Variants in ESR1 observed in about 807,000 individuals in gnomAD.
The protein encoded by ESR1 is estrogen receptor 1.
In ESR1, 12 loss-of-function variants were observed where a neutral mutation model predicts 52.7. The ratio of observed to expected loss-of-function variants is 0.23; its 90% CI spans 0.15 to 0.37. The LOEUF is 0.37. ESR1 is among the 10% of genes least tolerant of loss of function. The probability of loss-of-function intolerance (pLI) is 1.00; values close to 1 mark genes in which losing one functional copy is unlikely to be tolerated. For synonymous variants in ESR1, 305 were observed against 316.8 expected (o/e 0.96, Z 0.39); for missense variants, 584 against 779.7 (o/e 0.75, Z 2.99).
At chr6:151,809,303 A>G (rs1037280279) in intron 1 of ESR1, 2 of 341,580 alleles carry the variant, frequency 5.9e-6, no homozygotes, top group South Asian at 4.5e-5. Flanking sequence ...TTTTTTCCCT[A>G]CAAGAATTGT....
rs1415226290 is a variant in ESR1 at position 152,102,227 on chromosome 6, G to A, written c.*3261G>A. ...ATAATTTACTTTTGATCACATTAAG[G>A]TGTTCTCACCTTGAAATCTTATACA... On this transcript the variant is annotated 3_prime_UTR_variant, in exon 8 of 8. Transcript: ENST00000206249. 9.7e-6 allele frequency: 2 copies of A among 207,128 alleles called. No individual in the cohort carries two copies. The highest frequency in any genetic ancestry group is 2.3e-5 in the African/African-American group (1 of 43,850). 12.8% of individuals were successfully genotyped at this position (207,128 alleles called of 1,614,324 possible).
At chr6:151,831,216 C>T (rs1484579789) in intron 1 of ESR1, among the ~76,000 whole-genome samples, 1 of 151,374 alleles carries the variant, frequency 6.6e-6, no homozygotes, top group Non-Finnish European at 1.5e-5. Context: ...AGTCACAGCT[C>T]ACTGCAGCCT....
chr6:151,791,727 A>G (rs1776173133), intron 2 of ESR1, among the ~76,000 whole-genome samples: 1 of 152,142 alleles, frequency 6.6e-6, no homozygotes, highest in Admixed American at 6.5e-5. Context: ...TCCAGTGAGC[A>G]CCTGTGTTTT....
chr6:151,990,887 A>G (rs2040943138), intron 4 of ESR1, among the ~76,000 whole-genome samples: 1 of 152,148 alleles, frequency 6.6e-6, no homozygotes, highest in Non-Finnish European at 1.5e-5. Context: ...GCTACATATT[A>G]TATATATGGG....
intron 6 of ESR1, among the ~76,000 whole-genome samples, chr6:152,088,132 G>T (rs1038767702): frequency 1.3e-5 from 2 of 152,078 alleles, no homozygotes; most frequent in African/African-American, 4.8e-5. Flanking sequence ...ATATAAAGGA[G>T]AAATTATATT....
rs770401972 is a variant in ESR1 at position 151,808,043 on chromosome 6, T to C, written c.131T>C (p.Leu44Pro). Residue 44 changes from leucine (L) to proline (P), a missense_variant, in exon 1 of 8, where the codon CTG becomes CCG. By Grantham distance (98) the Leu-to-Pro change is moderately conservative. This residue lies in a region of ESR1 where 251 missense variants were observed against 246.1 expected (regional missense o/e 1.02). Coordinates refer to ENST00000206249, the MANE Select transcript of ESR1 (RefSeq NM_000125.4). ...PLERPLGEVY[L>P]DSSKPAVYNY... ...GAGCGGCCCCTGGGCGAGGTGTACC[T>C]GGACAGCAGCAAGCCCGCCGTGTAC... 10 of 1,613,592 alleles carry C rather than the reference T, an allele frequency of 6.2e-6. No homozygotes were observed. The highest frequency in any genetic ancestry group is 3.3e-5 in the Admixed American group (2 of 59,982).
At chr6:151,668,371 T>A (rs1030835392) in intron 1 of ESR1, among the ~76,000 whole-genome samples, 7 of 152,078 alleles carry the variant, frequency 4.6e-5, no homozygotes, top group African/African-American at 1.2e-4. Flanking sequence ...CTCCGCCTCC[T>A]GGGTTCATGC....
chr6:151,925,360 AC>A (rs2032535461), intron 3 of ESR1, among the ~76,000 whole-genome samples: 1 of 152,208 alleles, frequency 6.6e-6, no homozygotes, highest in African/African-American at 2.4e-5. Flanking sequence ...TAATCCCAGC[AC>A]TTTGGGAAGC....
At chr6:151,879,886 G>C (rs1312739656) in intron 2 of ESR1, among the ~76,000 whole-genome samples, 1 of 152,110 alleles carries the variant, frequency 6.6e-6, no homozygotes, top group African/African-American at 2.4e-5. Context: ...TAGGTATTCT[G>C]TGCTGCATGT....
At chr6:151,664,305 C>A (rs1277244155) in intron 1 of ESR1, among the ~76,000 whole-genome samples, 1 of 152,154 alleles carries the variant, frequency 6.6e-6, no homozygotes, top group African/African-American at 2.4e-5. Context: ...ACAAGGATAC[C>A]ATTACCAGAG....
intron 4 of ESR1, among the ~76,000 whole-genome samples, chr6:151,954,406 A>G (rs2036671794): frequency 6.6e-6 from 1 of 152,232 alleles, no homozygotes; most frequent in African/African-American, 2.4e-5. Context: ...CTCACACAAT[A>G]GTAGGAAAAA....
chr6:151,988,023 C>A (rs954904284), intron 4 of ESR1, among the ~76,000 whole-genome samples: 3 of 152,078 alleles, frequency 2.0e-5, no homozygotes, highest in African/African-American at 7.2e-5. Context: ...CAGTCCCCAA[C>A]CCTTTTGGCA....
At chr6:151,821,156 T>C (rs577469241) in intron 1 of ESR1, among the ~76,000 whole-genome samples, 1 of 151,366 alleles carries the variant, frequency 6.6e-6, no homozygotes, top group Non-Finnish European at 1.5e-5. Context: ...GACCACTACC[T>C]CACACCTAAT....
intron 3 of ESR1, among the ~76,000 whole-genome samples, chr6:151,925,706 T>C (rs1242368107): frequency 6.6e-6 from 1 of 152,200 alleles, no homozygotes; most frequent in African/African-American, 2.4e-5. Context: ...TGATTACAAG[T>C]CTTTTATCAG....
intron 2 of ESR1, among the ~76,000 whole-genome samples, chr6:151,863,482 C>T (rs533928086): frequency 4.4e-4 from 67 of 152,236 alleles, no homozygotes; most frequent in Non-Finnish European, 8.5e-4. Context: ...ATGATTTTTG[C>T]ACATTGATTT....
At position 152,100,307 on chromosome 6, in the gene ESR1, A is replaced by G; in HGVS notation, c.*1341A>G. On this transcript the variant is annotated 3_prime_UTR_variant, in exon 8 of 8. Coordinates refer to ENST00000206249, the MANE Select transcript of ESR1 (RefSeq NM_000125.4). ...GAGAAGGGTGGGGACCGTTGCTGTC[A>G]CTACTCAGGCTGACTGGGGCCTGGT... is the stretch of plus-strand genomic sequence containing the variant. 1 of 388,088 alleles carries G rather than the reference A, an allele frequency of 2.6e-6. No individual in the cohort carries two copies. Among genetic ancestry groups the G allele is most frequent in the Non-Finnish European group, 4.6e-6 (1 of 219,768 alleles). The allele number at this position is 388,088 out of a possible 1,614,324, so 24.0% of individuals were successfully genotyped here. A position where few individuals can be genotyped will look rare whatever the true frequency, so the allele number is the denominator to read the frequency against.
At chr6:152,040,812 G>A (rs1342596641) in intron 5 of ESR1, among the ~76,000 whole-genome samples, 1 of 152,212 alleles carries the variant, frequency 6.6e-6, no homozygotes, top group African/African-American at 2.4e-5. Context: ...CTCCCCATGA[G>A]GCCATCAGTG....
intron 5 of ESR1, among the ~76,000 whole-genome samples, chr6:152,015,719 A>G (rs1382011749): frequency 6.6e-6 from 1 of 152,168 alleles, no homozygotes; most frequent in Non-Finnish European, 1.5e-5. Flanking sequence ...TTATTCTTTT[A>G]AAAACATTGC....
At chr6:151,825,630 G>A (rs1327570090) in intron 1 of ESR1, among the ~76,000 whole-genome samples, 1 of 152,076 alleles carries the variant, frequency 6.6e-6, no homozygotes, top group Admixed American at 6.6e-5. Context: ...ATGTGTTGTT[G>A]GCCAGGTATG....
Sources: allele counts gnomAD v4.1 joint callset (sites outside exome capture counted in the v4.1 genomes callset), GRCh38; gene constraint gnomAD v4.1.1; regional missense constraint gnomAD v4.1.1; transcripts MANE v1.5; gene names NCBI Gene and HGNC (gene_info 2026-07-23, HGNC 2026-07-21).